KCNQ1OT1: variants seen among roughly 807,000 people sequenced by gnomAD.
The protein encoded by KCNQ1OT1 is KCNQ1 antisense RNA 2 (non-protein coding).
chr11:2,608,409 C>T lies in KCNQ1OT1; in HGVS notation n.91586G>A, dbSNP rs186645006. On this transcript the variant is annotated non_coding_transcript_exon_variant, in exon 1 of 1. Coordinates refer to ENST00000597346, the Ensembl canonical transcript of KCNQ1OT1. This position sits in a 1 kb window ranked among gnomAD's most constrained non-coding sequence, Gnocchi z 4.6. ...TATAATTTATTGGCACAAAATTGTT[C>T]ATAGTGTTCCTTCATAATCCTTTTT... 1.0e-5 allele frequency: 4 copies of T among 398,522 alleles called. No homozygotes were observed. The highest frequency in any genetic ancestry group is 6.2e-5 in the African/African-American group (3 of 48,722). The allele number at this position is 398,522 out of a possible 1,614,324, so 24.7% of individuals were successfully genotyped here. A position where few individuals can be genotyped will look rare whatever the true frequency, so the allele number is the denominator to read the frequency against.
At chr11:2,643,761 T>C (rs1849616871) in exon 1 of KCNQ1OT1, 1 of 398,470 alleles carries the variant, frequency 2.5e-6, no homozygotes, top group African/African-American at 2.1e-5. Context: ...CCCTTAAGCA[T>C]TTTTTGTAGT....
At chr11:2,648,981 C>CTTTTTTTTT in exon 1 of KCNQ1OT1, 6 of 313,728 alleles carry the variant, frequency 1.9e-5, no homozygotes, top group Non-Finnish European at 2.6e-5. Flanking sequence ...TTTTCTTTTT[C>CTTTTTTTTT]TTTTTTTTTT....
chr11:2,649,254 T>C (rs1430498282), exon 1 of KCNQ1OT1: 3 of 398,378 alleles, frequency 7.5e-6, no homozygotes, highest in Non-Finnish European at 1.3e-5. Flanking sequence ...TGTCATTTTA[T>C]TGTTTTCTGA....
At chr11:2,662,144 T>G in exon 1 of KCNQ1OT1, 3 of 1,608,682 alleles carry the variant, frequency 1.9e-6, no homozygotes, top group East Asian at 2.2e-5. Flanking sequence ...GGAGTCAGAC[T>G]TGGTGCTGGG....
At position 2,698,341 on chromosome 11, in the gene KCNQ1OT1, T is replaced by C. The variant is rs1850713551; in HGVS notation, n.1654A>G. On this transcript the variant is annotated non_coding_transcript_exon_variant, in exon 1 of 1. Coordinates refer to ENST00000597346, the Ensembl canonical transcript of KCNQ1OT1. The surrounding 1 kb of genome is among the most constrained non-coding windows in gnomAD (Gnocchi z 5.1). ...CAGTGCTGTGGGAAGGCACTCTTAC[T>C]CTCAATTTTATATAAAAGGCTATTT... 1 of 398,622 alleles carries C rather than the reference T, an allele frequency of 2.5e-6. No individual in the cohort carries two copies. The highest frequency in any genetic ancestry group is 4.4e-6 in the Non-Finnish European group (1 of 226,070). The allele number at this position is 398,622 out of a possible 1,614,324, so 24.7% of individuals were successfully genotyped here.
In KCNQ1OT1 at chr11:2,620,943, G is replaced by GTT. The variant is rs1188209867; in HGVS notation, n.79050_79051dup. The GTT allele has an allele frequency of 2.0e-5, 6 of 306,682 alleles. No homozygotes were observed. The highest frequency in any genetic ancestry group is 6.9e-4 in the Middle Eastern group (1 of 1,442). The allele number at this position is 306,682 out of a possible 1,614,324, so 19.0% of individuals were successfully genotyped here. On this transcript the variant is annotated non_coding_transcript_exon_variant, in exon 1 of 1. Transcript: ENST00000597346. This position sits in a 1 kb window ranked among gnomAD's most constrained non-coding sequence, Gnocchi z 4.5. Reference sequence around the variant, plus strand: ...GGTGTTTTTTTGTTGTTGTTGTTTTGTTTTGTTTTTTTTTGTCTGTTTTTT... The same window carrying GTT: ...GGTGTTTTTTTGTTGTTGTTGTTTTGTTTTTTGTTTTTTTTTGTCTGTTTTTT...
Position 2,675,823 on chromosome 11 carries a change from C to CACTG in KCNQ1OT1, n.24168_24171dup, listed in dbSNP as rs1417874319. 4.8e-5 allele frequency: 19 copies of CACTG among 398,720 alleles called. No individual in the cohort carries two copies. The Admixed American group carries it at 8.4e-4, about 18-fold the overall frequency. The allele number at this position is 398,720 out of a possible 1,614,324, so 24.7% of individuals were successfully genotyped here. The stretch of plus-strand genomic sequence containing the variant: ...CCAGCCACGTGCATGCAGGGCTGCA[C>CACTG]ACTGCCCTACCGTGCATCCACTGCC... On this transcript the variant is annotated non_coding_transcript_exon_variant, in exon 1 of 1. Transcript: ENST00000597346.
At chr11:2,699,829 C>G (rs950721756) in exon 1 of KCNQ1OT1, 1 of 395,964 alleles carries the variant, frequency 2.5e-6, no homozygotes, top group Non-Finnish European at 4.4e-6. Context: ...ACTGACGCAC[C>G]GAGGAGGACC....
At position 2,661,720 on chromosome 11, in the gene KCNQ1OT1, A is replaced by G. The variant is rs74836423; in HGVS notation, n.38275T>C. ...CCTGAGCACAGCCCCAGGCACAGTT[A>G]CCACTCCGAAGATGATTCACTGGCC... On this transcript the variant is annotated non_coding_transcript_exon_variant, in exon 1 of 1. Transcript: ENST00000597346. The surrounding 1 kb of genome is among the most constrained non-coding windows in gnomAD (Gnocchi z 5.9). 8.8e-3 allele frequency: 5,402 copies of G among 612,414 alleles called. 65 individuals carry two copies. The highest frequency in any genetic ancestry group is 0.026 in the South Asian group (1,341 of 52,404). The allele number at this position is 612,414 out of a possible 1,614,324, so 37.9% of individuals were successfully genotyped here. A position where few individuals can be genotyped will look rare whatever the true frequency, so the allele number is the denominator to read the frequency against.
At position 2,624,674 on chromosome 11, in the gene KCNQ1OT1, A is replaced by G; in HGVS notation, n.75321T>C. The stretch of plus-strand genomic sequence containing the variant: ...ACAATGCTGTGCAATCATCACTATC[A>G]TCCATCTCCATAACACTTGTCATTT... On this transcript the variant is annotated non_coding_transcript_exon_variant, in exon 1 of 1. Coordinates refer to ENST00000597346, the Ensembl canonical transcript of KCNQ1OT1. The surrounding 1 kb of genome is among the most constrained non-coding windows in gnomAD (Gnocchi z 4.9). 2.5e-6 allele frequency: 1 copy of G among 398,572 alleles called. No homozygotes were observed. Among genetic ancestry groups the G allele is most frequent in the East Asian group, 3.6e-5 (1 of 28,068 alleles). 24.7% of individuals were successfully genotyped at this position (398,572 alleles called of 1,614,324 possible).
chr11:2,639,230 C>T (rs958082810), exon 1 of KCNQ1OT1: 14 of 152,210 alleles, frequency 9.2e-5, no homozygotes, highest in South Asian at 2.1e-4. Flanking sequence ...AGTCATTCTC[C>T]GTCCAGCTTT....
At chr11:2,650,787 A>C (rs941967014) in exon 1 of KCNQ1OT1, 5 of 398,488 alleles carry the variant, frequency 1.3e-5, no homozygotes, top group Non-Finnish European at 1.8e-5. Flanking sequence ...TTCTCCTAAT[A>C]CTGCTAACAG....
At chr11:2,685,731 C>T (rs529457952) in exon 1 of KCNQ1OT1, 80 of 398,676 alleles carry the variant, frequency 2.0e-4, no homozygotes, top group African/African-American at 1.5e-3. Context: ...TCTGACAGTC[C>T]GCCGAAATGG....
rs763890527 is a variant in KCNQ1OT1, at chr11:2,690,920, G to A, written n.9075C>T. 4.8e-5 allele frequency: 19 copies of A among 398,498 alleles called. No homozygotes were observed. The highest frequency in any genetic ancestry group is 1.4e-4 in the East Asian group (4 of 28,094). 24.7% of individuals were successfully genotyped at this position (398,498 alleles called of 1,614,324 possible). A position where few individuals can be genotyped will look rare whatever the true frequency, so the allele number is the denominator to read the frequency against. On this transcript the variant is annotated non_coding_transcript_exon_variant, in exon 1 of 1. Coordinates refer to ENST00000597346, the Ensembl canonical transcript of KCNQ1OT1. The surrounding 1 kb of genome is among the most constrained non-coding windows in gnomAD (Gnocchi z 5.1). ...GGTTTTGTCATGTGTAGGTCCCAGC[G>A]GCTTTAAGCCAACCTGAAAGGTTCA... is the stretch of plus-strand genomic sequence containing the variant.
rs1849594604 is a variant in KCNQ1OT1 at position 2,642,477 on chromosome 11, GAA to G, written n.57516_57517del. 1 of 397,992 alleles carries G rather than the reference GAA, an allele frequency of 2.5e-6. No homozygotes were observed. Among genetic ancestry groups the G allele is most frequent in the Non-Finnish European group, 4.4e-6 (1 of 225,710 alleles). 24.7% of individuals were successfully genotyped at this position (397,992 alleles called of 1,614,324 possible). A position where few individuals can be genotyped will look rare whatever the true frequency, so the allele number is the denominator to read the frequency against. ...CTGTAATCAATTTATTGATCAGACT[GAA>G]GAGTTTTGATTTTTGTATTTCATGG... On this transcript the variant is annotated non_coding_transcript_exon_variant, in exon 1 of 1. Coordinates refer to ENST00000597346, the Ensembl canonical transcript of KCNQ1OT1. The surrounding 1 kb of genome is among the most constrained non-coding windows in gnomAD (Gnocchi z 4.3).
exon 1 of KCNQ1OT1, chr11:2,699,378 C>G: frequency 2.5e-6 from 1 of 400,456 alleles, no homozygotes; most frequent in Non-Finnish European, 4.4e-6. Flanking sequence ...CAGGTCCGTG[C>G]TGACCGTGTT....
chr11:2,649,497 C>T, exon 1 of KCNQ1OT1: 1 of 398,490 alleles, frequency 2.5e-6, no homozygotes. Flanking sequence ...TCAGTTTTTG[C>T]TTGTCTGAGG....
chr11:2,647,528 G>A lies in KCNQ1OT1; in HGVS notation n.52467C>T. On this transcript the variant is annotated non_coding_transcript_exon_variant, in exon 1 of 1. Coordinates refer to ENST00000597346, the Ensembl canonical transcript of KCNQ1OT1. The surrounding 1 kb of genome is among the most constrained non-coding windows in gnomAD (Gnocchi z 4.0). ...TGCTTGCCTCACAGAATGAGTTAGG[G>A]AGAATTCCTTTCTCTTCAGTCTTTT... 1 of 398,534 alleles carries A rather than the reference G, an allele frequency of 2.5e-6. No homozygotes were observed. The highest frequency in any genetic ancestry group is 4.4e-6 in the Non-Finnish European group (1 of 226,052). 24.7% of individuals were successfully genotyped at this position (398,534 alleles called of 1,614,324 possible).
rs918332550 is a variant in KCNQ1OT1 at position 2,661,526 on chromosome 11, C to G, written n.38469G>C. The G allele has an allele frequency of 1.1e-5, 5 of 474,450 alleles. No homozygotes were observed. Among genetic ancestry groups the G allele is most frequent in the Non-Finnish European group, 1.8e-5 (5 of 270,494 alleles). The allele number at this position is 474,450 out of a possible 1,614,324, so 29.4% of individuals were successfully genotyped here. ...TGGGTCAGAGGTCCTATCACCCCAT[C>G]TTTCCTGACCCACTACTCTGTCAAT... On this transcript the variant is annotated non_coding_transcript_exon_variant, in exon 1 of 1. Transcript: ENST00000597346. The surrounding 1 kb of genome is among the most constrained non-coding windows in gnomAD (Gnocchi z 5.9).
Sources: gnomAD v4.1 joint callset for allele counts on GRCh38, gnomAD v4.1.1 for gene constraint, Gnocchi (gnomAD v3.1) non-coding constraint, MANE v1.5 for transcripts, NCBI Gene and HGNC (gene_info 2026-07-23, HGNC 2026-07-21) for gene names.